Variants in DBT observed in about 807,000 individuals in gnomAD.
DBT encodes the protein lipoamide acyltransferase component of branched-chain alpha-keto acid dehydrogenase complex, mitochondrial.
Under a neutral mutation model 51.3 loss-of-function variants are expected in DBT, and 40 were observed. The ratio of observed to expected loss-of-function variants is 0.78; its 90% CI spans 0.61 to 1.02. DBT has a LOEUF of 1.02. Ranked by LOEUF, DBT falls within the 50% of genes least tolerant of loss-of-function variation. The pLI, the probability that DBT is intolerant of heterozygous loss-of-function variation, is 0.00. For missense variants in DBT, 510 were observed against 580.2 expected (o/e 0.88, Z 1.24); for synonymous variants, 181 against 190.4 (o/e 0.95, Z 0.41).
chr1:100,231,488 C>A (rs1663554552), intron 3 of DBT, among the ~76,000 whole-genome samples: 1 of 152,138 alleles, frequency 6.6e-6, no homozygotes, highest in Admixed American at 6.5e-5. Context: ...GGAATGGGAC[C>A]AAACCTGAAA....
Position 100,191,296 on chromosome 1 carries a change from C to CTTA in DBT, c.*4956_*4958dup, listed in dbSNP as rs1315894818. 1 of 152,148 alleles carries CTTA rather than the reference C, an allele frequency of 6.6e-6. No individual in the cohort carries two copies. Among genetic ancestry groups the CTTA allele is most frequent in the Non-Finnish European group, 1.5e-5 (1 of 68,048 alleles). 9.4% of individuals were successfully genotyped at this position (152,148 alleles called of 1,614,324 possible). On this transcript the variant is annotated 3_prime_UTR_variant, in exon 11 of 11. Transcript: ENST00000370132. ...AATTATTTCTCAAATTAACATTGAA[C>CTTA]TTAAACTGGGAAGAAAATACAAATG...
At chr1:100,232,584 A>G (rs1162349623) in intron 3 of DBT, among the ~76,000 whole-genome samples, 1 of 152,190 alleles carries the variant, frequency 6.6e-6, no homozygotes, top group Non-Finnish European at 1.5e-5. Context: ...AATACTTTCA[A>G]TGTGGAATGA....
chr1:100,212,529 A>G (rs1397786708), intron 7 of DBT, among the ~76,000 whole-genome samples: 4 of 151,784 alleles, frequency 2.6e-5, no homozygotes, highest in Non-Finnish European at 4.4e-5. Context: ...AACAAAGTGA[A>G]CCCTTTCTAA....
rs1663096671 is a variant in DBT, at chr1:100,225,045, AT to A, written c.433+5687del. 2.6e-5 allele frequency among the ~76,000 whole-genome samples: 2 copies of A among 78,204 alleles called. 1 individual carries two copies. The allele number at this position is 78,204 out of a possible 152,430, so 51.3% of individuals were successfully genotyped here. ...CCCAAAAAAAAAAAAAAAAAAAAAT[AT>A]ATATATACACACACACACACACACA... On this transcript the variant is annotated intron_variant, in intron 4 of 10. Coordinates refer to ENST00000370132, the MANE Select transcript of DBT (RefSeq NM_001918.5).
intron 5 of DBT, among the ~76,000 whole-genome samples, chr1:100,218,329 G>A (rs572887024): frequency 3.3e-5 from 5 of 152,162 alleles, no homozygotes; most frequent in African/African-American, 1.2e-4. Flanking sequence ...TGTGCCTCTA[G>A]AGCACCTGAC....
chr1:100,230,746 C>T lies in DBT; in HGVS notation c.420G>A (p.Thr140=), dbSNP rs771792232. The T allele has an allele frequency of 2.3e-5, 37 of 1,607,566 alleles. No individual in the cohort carries two copies. The highest frequency in any genetic ancestry group is 3.5e-4 in the Middle Eastern group (2 of 5,714). The change falls in exon 4 of 11, where the codon ACG becomes ACA. Residue 140 remains threonine, a synonymous_variant. Coordinates refer to ENST00000370132, the MANE Select transcript of DBT (RefSeq NM_001918.5). ...YVGKPLVDIE[T]EALKDSEEDV... Reference sequence around the variant, plus strand: ...GACTTACAATACCTTTTAAAGCTTCCGTTTCTATGTCTACTAATGGCTTCC... The same window carrying T: ...GACTTACAATACCTTTTAAAGCTTCTGTTTCTATGTCTACTAATGGCTTCC...
intron 10 of DBT, among the ~76,000 whole-genome samples, chr1:100,199,325 G>C (rs1661295472): frequency 6.6e-6 from 1 of 152,124 alleles, no homozygotes; most frequent in African/African-American, 2.4e-5. Flanking sequence ...TGATTCCTGA[G>C]CAAAGAATGC....
intron 1 of DBT, among the ~76,000 whole-genome samples, chr1:100,244,495 C>A (rs1664419858): frequency 6.6e-6 from 1 of 152,138 alleles, no homozygotes; most frequent in African/African-American, 2.4e-5. Context: ...GAAACTATTA[C>A]ATACCAAAAT....
intron 7 of DBT, among the ~76,000 whole-genome samples, chr1:100,213,002 AG>A (rs1212233355): frequency 6.6e-6 from 1 of 152,200 alleles, no homozygotes; most frequent in African/African-American, 2.4e-5. Flanking sequence ...GTGTAGAGAA[AG>A]GACTGGACAT....
Position 100,213,697 on chromosome 1 carries a change from A to C in DBT, c.939+1120T>G, listed in dbSNP as rs1662301849. 1.9e-6 allele frequency: 3 copies of C among 1,601,304 alleles called. No homozygotes were observed. The Admixed American group carries it at 5.1e-5, about 27-fold the overall frequency. ...GGGAACACCAGGCTCGGCCTTTCCT[A>C]CACCCAGCTCTCTTTTTCTAATGTA... On this transcript the variant is annotated intron_variant, in intron 7 of 10. Coordinates refer to ENST00000370132, the MANE Select transcript of DBT (RefSeq NM_001918.5).
intron 1 of DBT, chr1:100,249,111 A>G: frequency 1.0e-6 from 1 of 988,246 alleles, no homozygotes; most frequent in Non-Finnish European, 1.2e-6. Context: ...AGAGGCAGGA[A>G]GAAGAAACAC....
rs1349346765 is a variant in DBT at position 100,188,726 on chromosome 1, C to T, written c.*7529G>A. ...CTGTTCCCCATGCTCTGCGTGGTAA[C>T]ATTCCACATGGTACTCCATAAAAGC... On this transcript the variant is annotated 3_prime_UTR_variant, in exon 11 of 11. Transcript: ENST00000370132. 1 of 152,230 alleles carries T rather than the reference C, an allele frequency of 6.6e-6. No individual in the cohort carries two copies. The highest frequency in any genetic ancestry group is 1.5e-5 in the Non-Finnish European group (1 of 68,052). 9.4% of individuals were successfully genotyped at this position (152,230 alleles called of 1,614,324 possible).
chr1:100,247,735 G>A (rs1664630525), intron 1 of DBT, among the ~76,000 whole-genome samples: 1 of 148,576 alleles, frequency 6.7e-6, no homozygotes, highest in Admixed American at 6.8e-5. Flanking sequence ...AAACTGGTTT[G>A]AGGGTTCAGT....
At chr1:100,237,792 C>T (rs897290105) in intron 2 of DBT, among the ~76,000 whole-genome samples, 5 of 152,000 alleles carry the variant, frequency 3.3e-5, no homozygotes, top group African/African-American at 1.2e-4. Flanking sequence ...CATACCACCA[C>T]ACCCAAGTAA....
chr1:100,248,667 T>G (rs998463411), intron 1 of DBT, among the ~76,000 whole-genome samples: 1 of 152,142 alleles, frequency 6.6e-6, no homozygotes, highest in Non-Finnish European at 1.5e-5. Flanking sequence ...AAGAATAATA[T>G]TGGGAAACTG....
intron 3 of DBT, among the ~76,000 whole-genome samples, chr1:100,234,855 C>G (rs746807413): frequency 6.6e-5 from 10 of 152,152 alleles, no homozygotes; most frequent in Non-Finnish European, 1.3e-4. Flanking sequence ...TTAAAAGGAT[C>G]TTTAATGGTA....
intron 1 of DBT, among the ~76,000 whole-genome samples, chr1:100,244,300 G>C (rs933201764): frequency 1.3e-5 from 2 of 152,162 alleles, no homozygotes; most frequent in Non-Finnish European, 1.5e-5. Flanking sequence ...GATTTGGCTT[G>C]ACCAAAGGTA....
In DBT at chr1:100,196,316, A is replaced by T. The variant is rs1661086166; in HGVS notation, c.1388T>A (p.Phe463Tyr). 1 of 1,613,532 alleles carries T rather than the reference A, an allele frequency of 6.2e-7. No homozygotes were observed. Among genetic ancestry groups the T allele is most frequent in the Non-Finnish European group, 8.5e-7 (1 of 1,179,974 alleles). ...TAAATAGGATTTCCACAAATTGGAG[A>T]AGCGTGACATTGTAGCACCATCAAT... is the stretch of plus-strand genomic sequence containing the variant. ...RVIDGATMSR[F>Y]SNLWKSYLEN... is the part of the protein sequence containing the mutation. The change falls in exon 11 of 11, where the codon TTC becomes TAC. Residue 463 changes from phenylalanine to tyrosine, a missense_variant. Transcript: ENST00000370132.
Position 100,249,270 on chromosome 1 carries a change from G to T in DBT, c.51+500C>A, listed in dbSNP as rs80061406. 4.2e-4 allele frequency: 99 copies of T among 234,200 alleles called. No homozygotes were observed. In the East Asian group the frequency reaches 0.01, roughly 24 times the overall value. 14.5% of individuals were successfully genotyped at this position (234,200 alleles called of 1,614,324 possible). A position where few individuals can be genotyped will look rare whatever the true frequency, so the allele number is the denominator to read the frequency against. ...AGGAATGATATGTGGTGCGGACATAGAAGTACAAGGCAAAAGAGTGACGCC... is the reference window on the plus strand; with the variant it reads ...AGGAATGATATGTGGTGCGGACATATAAGTACAAGGCAAAAGAGTGACGCC... On this transcript the variant is annotated intron_variant, in intron 1 of 10. Coordinates refer to ENST00000370132, the MANE Select transcript of DBT (RefSeq NM_001918.5).
Sources: gnomAD v4.1 joint callset for allele counts (sites outside exome capture counted in the v4.1 genomes callset) on GRCh38, gnomAD v4.1.1 for gene constraint, MANE v1.5 for transcripts, NCBI Gene and HGNC (gene_info 2026-07-23, HGNC 2026-07-21) for gene names.